Variants in STAT5B observed in about 807,000 individuals in gnomAD.
The protein encoded by STAT5B is signal transducer and activator of transcription 5B, also known as transcription factor STAT5B.
Under a neutral mutation model 107.8 loss-of-function variants are expected in STAT5B, and 21 were observed. The ratio of observed to expected loss-of-function variants is 0.19; its 90% CI spans 0.14 to 0.28. STAT5B has a LOEUF of 0.28. STAT5B is among the 10% of genes least tolerant of loss of function. The probability of loss-of-function intolerance (pLI) is 1.00; values close to 1 mark genes in which losing one functional copy is unlikely to be tolerated. For missense variants in STAT5B, 565 were observed against 1,008.2 expected (o/e 0.56, Z 5.95); for synonymous variants, 325 against 401.7 (o/e 0.81, Z 2.28).
At position 42,217,276 on chromosome 17, in the gene STAT5B, T is replaced by A; in HGVS notation, c.1264A>T (p.Lys422Ter). 6.2e-7 allele frequency: 1 copy of A among 1,614,204 alleles called. No homozygotes were observed. Among genetic ancestry groups the A allele is most frequent in the Non-Finnish European group, 8.5e-7 (1 of 1,180,040 alleles). The stretch of plus-strand genomic sequence containing the variant: ...CGACGGTCTGACCTCTTAATTCGTT[T>A]CAGGGACTACAAAGAAGAAACATAA... ...LSAHFRNMSL[K>*]RIKRSDRRGA... The change falls in exon 11 of 19, where the codon AAA becomes TAA. Residue 422 changes from lysine to a stop codon, truncating the protein, a stop_gained. Coordinates refer to ENST00000293328, the MANE Select transcript of STAT5B (RefSeq NM_012448.4). LOFTEE classifies it high-confidence loss of function.
chr17:42,246,564 C>T (rs556930562), intron 1 of STAT5B, among the ~76,000 whole-genome samples: 5 of 152,206 alleles, frequency 3.3e-5, no homozygotes, highest in African/African-American at 1.2e-4. Flanking sequence ...ACTAAGCAAA[C>T]TTGTACCAAC....
Position 42,201,788 on chromosome 17 carries a change from G to C in STAT5B, c.2314C>G (p.Leu772Val). ...TMDVARRVEE[L>V]LGRPMDSQWI... Reference sequence around the variant, plus strand: ...TGACTGTCCATTGGCCGGCCCAGGAGCTCCTCCACACGCCGCGCTACGTCC... The same window carrying C: ...TGACTGTCCATTGGCCGGCCCAGGACCTCCTCCACACGCCGCGCTACGTCC... The change falls in exon 19 of 19, where the codon CTC becomes GTC. Residue 772 changes from leucine (L) to valine (V), a missense_variant. This residue lies in a region of STAT5B where 76 missense variants were observed against 110.2 expected (regional missense o/e 0.69). Transcript: ENST00000293328. 1 of 1,614,160 alleles carries C rather than the reference G, an allele frequency of 6.2e-7. No homozygotes were observed. The highest frequency in any genetic ancestry group is 8.5e-7 in the Non-Finnish European group (1 of 1,180,032).
rs113953969 is a variant in STAT5B at position 42,210,069 on chromosome 17, GTA to G, written c.1906+100_1906+101del. 2.7e-3 allele frequency: 4,223 copies of G among 1,546,552 alleles called. 97 individuals carry two copies. The African/African-American group carries it at 0.051, about 19-fold the overall frequency. The stretch of plus-strand genomic sequence containing the variant: ...TATACATTTATGTTTCCCATAATTA[GTA>G]CTGACCTCAACAAATAGTAAGTACC... On this transcript the variant is annotated intron_variant, in intron 15 of 18. Transcript: ENST00000293328.
chr17:42,234,194 T>C (rs978353518), intron 1 of STAT5B: 13 of 152,230 alleles, frequency 8.5e-5, no homozygotes, highest in African/African-American at 2.9e-4. Context: ...TTAGTTGTAG[T>C]TGTCTGATCA....
the STAT5B span, among the ~76,000 whole-genome samples, chr17:42,282,833 A>G: frequency 2.0e-5 from 3 of 152,186 alleles, no homozygotes; most frequent in Non-Finnish European, 4.4e-5. Context: ...GATGAGGCCA[A>G]TTTCACCAGG....
At chr17:42,202,720 G>A in intron 17 of STAT5B, 37 bp downstream of exon 17, 1 of 1,613,332 alleles carries the variant, frequency 6.2e-7, no homozygotes, top group Non-Finnish European at 8.5e-7. Flanking sequence ...GAGGAGGAAA[G>A]AGGCAGAAGG....
chr17:42,286,611 C>T, the STAT5B span, among the ~76,000 whole-genome samples: 1 of 152,172 alleles, frequency 6.6e-6, no homozygotes, highest in Non-Finnish European at 1.5e-5. Flanking sequence ...GGCAGGACCC[C>T]CTCTCTTAAG....
intron 1 of STAT5B, chr17:42,272,477 T>C (rs1198577254): frequency 2.0e-5 from 3 of 152,188 alleles, no homozygotes; most frequent in Non-Finnish European, 2.9e-5. Flanking sequence ...CCTCCATTTT[T>C]CTGTAAATTG....
intron 5 of STAT5B, among the ~76,000 whole-genome samples, chr17:42,220,979 C>T (rs555643212): frequency 1.3e-5 from 2 of 148,866 alleles, no homozygotes; most frequent in South Asian, 4.5e-4. Flanking sequence ...ACCTTCTCAA[C>T]AGCCCAGAGT....
At chr17:42,274,324 CTG>C (rs2080746992) in intron 1 of STAT5B, among the ~76,000 whole-genome samples, 1 of 149,342 alleles carries the variant, frequency 6.7e-6, no homozygotes, top group East Asian at 2.0e-4. Flanking sequence ...CATTCCTTCC[CTG>C]TGTCTCAATC....
chr17:42,212,753 G>A (rs887422950), intron 12 of STAT5B, among the ~76,000 whole-genome samples: 5 of 152,146 alleles, frequency 3.3e-5, no homozygotes, highest in South Asian at 2.1e-4. Flanking sequence ...TTTTCAACCC[G>A]TTCAGCCATA....
At chr17:42,245,586 G>A (rs951484126) in intron 1 of STAT5B, among the ~76,000 whole-genome samples, 2 of 151,432 alleles carry the variant, frequency 1.3e-5, no homozygotes, top group Admixed American at 6.6e-5. Context: ...GTAATGGCGC[G>A]ATCTTGGCTC....
At chr17:42,260,359 C>T (rs2080584211) in intron 1 of STAT5B, among the ~76,000 whole-genome samples, 2 of 151,708 alleles carry the variant, frequency 1.3e-5, no homozygotes, top group African/African-American at 4.8e-5. Flanking sequence ...TTGAAGCATT[C>T]GTACAAAAAA....
chr17:42,210,687 C>G, intron 13 of STAT5B, 190 bp from the exon 14 acceptor site: 2 of 628,660 alleles, frequency 3.2e-6, no homozygotes, highest in Admixed American at 2.3e-5. Flanking sequence ...GGGGAAAATA[C>G]CAAACTGCAG....
intron 2 of STAT5B, among the ~76,000 whole-genome samples, chr17:42,228,994 C>A (rs1419672530): frequency 6.6e-6 from 1 of 152,160 alleles, no homozygotes. Flanking sequence ...AAATAGTACA[C>A]CCCAATCTGC....
At chr17:42,270,915 T>C (rs1363686208) in intron 1 of STAT5B, 3 of 152,254 alleles carry the variant, frequency 2.0e-5, no homozygotes, top group African/African-American at 7.2e-5. Flanking sequence ...GAAAACAATG[T>C]CTGCCCAGCA....
In STAT5B at chr17:42,240,025, T is replaced by G. The variant is rs576165496; in HGVS notation, c.-10-7888A>C. Among the ~76,000 whole-genome samples the G allele has an allele frequency of 6.6e-5, 10 of 152,282 alleles. No individual in the cohort carries two copies. In the South Asian group the frequency reaches 2.1e-3, roughly 32 times the overall value. On this transcript the variant is annotated intron_variant, in intron 1 of 18. Coordinates refer to ENST00000293328, the MANE Select transcript of STAT5B (RefSeq NM_012448.4). ...GGCGGGTGCCTGTAATCCCAGCTATTTGGGAGACTGAGGCAGGGGAATTGC... is the reference window on the plus strand; with the variant it reads ...GGCGGGTGCCTGTAATCCCAGCTATGTGGGAGACTGAGGCAGGGGAATTGC...
chr17:42,267,915 G>A (rs992783349), intron 1 of STAT5B, among the ~76,000 whole-genome samples: 5 of 145,984 alleles, frequency 3.4e-5, no homozygotes, highest in South Asian at 4.3e-4. Flanking sequence ...CCGAGATCAC[G>A]CCACTGCACT....
intron 13 of STAT5B, among the ~76,000 whole-genome samples, chr17:42,211,282 C>T (rs1433517426): frequency 3.9e-5 from 6 of 151,924 alleles, no homozygotes; most frequent in Admixed American, 6.6e-5. Flanking sequence ...CCGAGGCGGG[C>T]AGATCACCTG....
Sources: gnomAD v4.1 joint callset for allele counts (sites outside exome capture counted in the v4.1 genomes callset) on GRCh38, gnomAD v4.1.1 for gene constraint, gnomAD v4.1.1 regional missense constraint, MANE v1.5 for transcripts, NCBI Gene and HGNC (gene_info 2026-07-23, HGNC 2026-07-21) for gene names.